The following CD163L1 variants were observed in gnomAD, a reference collection of about 807,000 sequenced individuals.
CD163L1 encodes CD163 molecule like 1, also known as scavenger receptor cysteine-rich type 1 protein M160.
In CD163L1, 124 loss-of-function variants were observed where a neutral mutation model predicts 165.4. That is an observed-to-expected ratio of 0.75 (90% CI 0.65 to 0.87). The LOEUF is 0.87. CD163L1 is among the 40% of genes least tolerant of loss of function. The pLI, the probability that CD163L1 is intolerant of heterozygous loss-of-function variation, is 0.00. For missense variants in CD163L1, 1,525 were observed against 1,799.9 expected, an observed-to-expected ratio of 0.85 and a Z score of 2.76; for synonymous variants, 585 against 662.2, an observed-to-expected ratio of 0.88 and a Z score of 1.79.
At chr12:7,334,575 T>C in the CD163L1 span, among the ~76,000 whole-genome samples, 1 of 152,162 alleles carries the variant, frequency 6.6e-6, no homozygotes, top group African/African-American at 2.4e-5. Context: ...CTTTGAAAAC[T>C]GGCACAAGAC....
intron 4 of CD163L1, among the ~76,000 whole-genome samples, chr12:7,429,967 T>G (rs1240389116): frequency 6.6e-6 from 1 of 152,148 alleles, no homozygotes; most frequent in Non-Finnish European, 1.5e-5. Flanking sequence ...CACTCAACCT[T>G]CCTCATTAAG....
At chr12:7,421,660 T>C (rs778603346) in intron 4 of CD163L1, among the ~76,000 whole-genome samples, 107 of 135,168 alleles carry the variant, frequency 7.9e-4, no homozygotes, top group East Asian at 3.6e-3. Context: ...TATATGTACA[T>C]ATATACATAT....
intron 4 of CD163L1, among the ~76,000 whole-genome samples, chr12:7,424,314 C>T (rs192190641): frequency 5.0e-4 from 75 of 150,782 alleles, no homozygotes; most frequent in Middle Eastern, 3.4e-3. Context: ...TCTCAATAAA[C>T]TAGGTATTGA....
Position 7,440,026 on chromosome 12 carries a change from C to A in CD163L1, c.124+1128G>T, listed in dbSNP as rs1467108418. 6 of 1,345,986 alleles carry A rather than the reference C, an allele frequency of 4.5e-6. No homozygotes were observed. In the Admixed American group the frequency reaches 1.2e-4, roughly 26 times the overall value. 83.4% of individuals were successfully genotyped at this position (1,345,986 alleles called of 1,614,324 possible). On this transcript the variant is annotated intron_variant, in intron 2 of 19. Transcript: ENST00000313599. ...GCAAACCGCCGAGGAAAACCCGCTG[C>A]GACACACACCCCAGCAGCTCCTCGC...
the CD163L1 span, among the ~76,000 whole-genome samples, chr12:7,322,785 G>A: frequency 6.6e-6 from 1 of 152,238 alleles, no homozygotes; most frequent in Admixed American, 6.5e-5. Context: ...AGGCGTTAGC[G>A]GGTGGGTGAG....
At chr12:7,439,086 T>G (rs1388244936) in intron 2 of CD163L1, 31 of 1,576,764 alleles carry the variant, frequency 2.0e-5, no homozygotes, top group Non-Finnish European at 2.4e-5. Flanking sequence ...TCCAGCCCTG[T>G]GTCCTGCCCT....
At chr12:7,342,630 T>G (rs1946644986), downstream of CD163L1, among the ~76,000 whole-genome samples, 1 of 152,140 alleles carries the variant, frequency 6.6e-6, no homozygotes, top group Non-Finnish European at 1.5e-5. Context: ...TCTATACAGG[T>G]TGCATTTTCC....
At chr12:7,348,921 C>T (rs1311958122) in intron 4 of CD163L1, among the ~76,000 whole-genome samples, 1 of 151,852 alleles carries the variant, frequency 6.6e-6, no homozygotes, top group Non-Finnish European at 1.5e-5. Flanking sequence ...GATGGCTTAC[C>T]TCTATAATCT....
intron 2 of CD163L1, among the ~76,000 whole-genome samples, chr12:7,437,868 T>C (rs1389222184): frequency 1.3e-5 from 2 of 151,700 alleles, no homozygotes; most frequent in Non-Finnish European, 2.9e-5. Context: ...ACACCAGTTT[T>C]CCAACCCTCT....
chr12:7,333,663 A>G, the CD163L1 span, among the ~76,000 whole-genome samples: 326 of 152,352 alleles, frequency 2.1e-3, 2 homozygotes, highest in African/African-American at 7.6e-3. Flanking sequence ...AAGGAGATAG[A>G]GACTCAAAAA....
chr12:7,331,486 T>C, the CD163L1 span, among the ~76,000 whole-genome samples: 4 of 152,304 alleles, frequency 2.6e-5, no homozygotes, highest in Non-Finnish European at 5.9e-5. Context: ...GACTGCCTCC[T>C]CAAGTGGGTC....
chr12:7,363,661 T>A (rs982828401), intron 18 of CD163L1, among the ~76,000 whole-genome samples: 1 of 151,504 alleles, frequency 6.6e-6, no homozygotes, highest in Non-Finnish European at 1.5e-5. Flanking sequence ...AGACCAACAA[T>A]TTGGAAAACT....
the CD163L1 span, chr12:7,322,571 T>C: frequency 6.3e-7 from 1 of 1,589,192 alleles, no homozygotes; most frequent in Non-Finnish European, 8.6e-7. Flanking sequence ...ATGTTTAGTA[T>C]ATGTGGGGGC....
chr12:7,399,041 C>T (rs1947844010), intron 6 of CD163L1, among the ~76,000 whole-genome samples: 1 of 152,072 alleles, frequency 6.6e-6, no homozygotes, highest in Admixed American at 6.6e-5. Flanking sequence ...GTATATGAAA[C>T]TGCCCTTTCA....
intron 2 of CD163L1, among the ~76,000 whole-genome samples, chr12:7,440,341 G>A (rs1211873785): frequency 1.3e-5 from 2 of 151,566 alleles, no homozygotes; most frequent in Non-Finnish European, 2.9e-5. Flanking sequence ...GCCGCCCACC[G>A]GCCCTGCCGC....
the CD163L1 span, among the ~76,000 whole-genome samples, chr12:7,321,518 A>G: frequency 6.6e-6 from 1 of 152,192 alleles, no homozygotes; most frequent in Non-Finnish European, 1.5e-5. Flanking sequence ...CTCTTTTCCT[A>G]GTCAGTGTCA....
chr12:7,383,472 G>T (rs1042580573), intron 8 of CD163L1, among the ~76,000 whole-genome samples: 1 of 152,092 alleles, frequency 6.6e-6, no homozygotes, highest in Non-Finnish European at 1.5e-5. Flanking sequence ...TGCCACTGCT[G>T]GTAGATAAGC....
chr12:7,372,287 T>C lies in CD163L1; in HGVS notation c.3730+1033A>G, dbSNP rs930231572. ...GGGGATAAGAATGAAAACTAATACA[T>C]AGGCTTTCTGCTGGAGCAATTAACT... On this transcript the variant is annotated intron_variant, in intron 14 of 19. Coordinates refer to ENST00000313599, the MANE Select transcript of CD163L1 (RefSeq NM_174941.6). The surrounding 1 kb of genome is among the most constrained non-coding windows in gnomAD (Gnocchi z 4.2). Among the ~76,000 whole-genome samples the C allele has an allele frequency of 2.0e-5, 3 of 152,062 alleles. No individual in the cohort carries two copies. Among genetic ancestry groups the C allele is most frequent in the African/African-American group, 4.8e-5 (2 of 41,430 alleles).
At chr12:7,429,323 T>C (rs777014846) in intron 4 of CD163L1, among the ~76,000 whole-genome samples, 9 of 152,224 alleles carry the variant, frequency 5.9e-5, no homozygotes, top group African/African-American at 1.4e-4. Flanking sequence ...TTTGTCTTTA[T>C]AGAAAATTTG....
Sources: gnomAD v4.1 joint callset for allele counts (sites outside exome capture counted in the v4.1 genomes callset) on GRCh38, gnomAD v4.1.1 for gene constraint, Gnocchi (gnomAD v3.1) non-coding constraint, MANE v1.5 for transcripts, NCBI Gene and HGNC (gene_info 2026-07-23, HGNC 2026-07-21) for gene names.